DACH2: variants seen among roughly 807,000 people sequenced by gnomAD.
The protein encoded by DACH2 is dachshund family transcription factor 2, also known as dachshund homolog 2.
A neutral mutation model predicts 35.8 loss-of-function variants in DACH2; 17 were observed. The ratio of observed to expected loss-of-function variants is 0.48; its 90% CI spans 0.33 to 0.71. DACH2 has a LOEUF of 0.71. Among genes scored for constraint, DACH2 ranks in the 30% least tolerant of loss-of-function variants. The pLI is 0.02. For synonymous variants in DACH2, 195 were observed against 177.3 expected (o/e 1.10, Z -0.79); for missense variants, 469 against 472.7 (o/e 0.99, Z 0.07).
chrX:86,650,296 A>G (rs2040463820), intron 3 of DACH2, among the ~76,000 whole-genome samples: 1 of 111,331 alleles, frequency 9.0e-6, no homozygotes, highest in Non-Finnish European at 1.9e-5. Context: ...GGTACATGCC[A>G]TATTTTCATT....
At chrX:86,744,255 G>A (rs2041687123) in intron 7 of DACH2, among the ~76,000 whole-genome samples, 1 of 111,174 alleles carries the variant, frequency 9.0e-6, no homozygotes, top group African/African-American at 3.3e-5. Context: ...ACATTAATAA[G>A]CAAGAGTGGC....
chrX:86,394,992 G>A (rs1444197355), intron 2 of DACH2, among the ~76,000 whole-genome samples: 2 of 111,496 alleles, frequency 1.8e-5, no homozygotes, highest in African/African-American at 6.5e-5. Flanking sequence ...ATCCCTACTC[G>A]GGCCAATCTT....
intron 2 of DACH2, among the ~76,000 whole-genome samples, chrX:86,474,757 G>A (rs2037815094): frequency 9.0e-6 from 1 of 111,566 alleles, no homozygotes; most frequent in Non-Finnish European, 1.9e-5. Flanking sequence ...TTTTGAGATG[G>A]AGTTTTGCTC....
intron 1 of DACH2, among the ~76,000 whole-genome samples, chrX:86,205,199 A>G (rs890626752): frequency 8.1e-5 from 9 of 111,703 alleles, no homozygotes; most frequent in Middle Eastern, 4.6e-3. Flanking sequence ...TGAGTTTCAC[A>G]GGAAACAAAT....
chrX:86,322,459 G>A (rs769353160), intron 1 of DACH2, among the ~76,000 whole-genome samples: 8 of 111,098 alleles, frequency 7.2e-5, no homozygotes, highest in South Asian at 3.9e-4. Context: ...TGCCCCCACC[G>A]ACGGTTCTCC....
chrX:86,828,936 C>G (rs950603335), intron 11 of DACH2: 1 of 111,561 alleles, frequency 9.0e-6, no homozygotes, highest in African/African-American at 3.3e-5. Flanking sequence ...TCACGTCTGC[C>G]CTAGCATTAA....
chrX:86,482,658 G>T (rs1415461590), intron 2 of DACH2, among the ~76,000 whole-genome samples: 2 of 107,402 alleles, frequency 1.9e-5, no homozygotes, highest in African/African-American at 6.9e-5. Flanking sequence ...CACCAACAGT[G>T]TAAAAGTGTT....
chrX:86,400,209 C>T (rs186613594), intron 2 of DACH2, among the ~76,000 whole-genome samples: 184 of 111,991 alleles, frequency 1.6e-3, no homozygotes, highest in African/African-American at 5.7e-3. Flanking sequence ...ACGTAATTCT[C>T]ATGCCGTGGT....
chrX:86,647,454 T>C (rs748890894), intron 3 of DACH2, among the ~76,000 whole-genome samples: 1 of 110,860 alleles, frequency 9.0e-6, no homozygotes, highest in Admixed American at 9.7e-5. Context: ...ACACCACTTA[T>C]ATGATGAATC....
chrX:86,214,130 G>T (rs918230200), intron 1 of DACH2, among the ~76,000 whole-genome samples: 1 of 110,232 alleles, frequency 9.1e-6, no homozygotes, highest in South Asian at 3.8e-4. Flanking sequence ...CAACTATAAT[G>T]CTTTGATAGC....
At chrX:86,697,586 A>G (rs1184506566) in intron 5 of DACH2, among the ~76,000 whole-genome samples, 1 of 111,588 alleles carries the variant, frequency 9.0e-6, no homozygotes, top group Admixed American at 9.6e-5. Context: ...GAGAACTTAA[A>G]AAAACAACTA....
chrX:86,813,882 T>G (rs1433346153), intron 9 of DACH2, among the ~76,000 whole-genome samples: 1 of 111,443 alleles, frequency 9.0e-6, no homozygotes, highest in Non-Finnish European at 1.9e-5. Flanking sequence ...AGTGTTTTTC[T>G]TACTTGAAAG....
intron 1 of DACH2, among the ~76,000 whole-genome samples, chrX:86,286,985 C>T (rs2034165337): frequency 1.8e-5 from 2 of 111,347 alleles, no homozygotes; most frequent in South Asian, 3.7e-4. Context: ...ATTGTACCTT[C>T]AGATGATTTC....
intron 3 of DACH2, among the ~76,000 whole-genome samples, chrX:86,611,558 A>G (rs2039944993): frequency 9.0e-6 from 1 of 111,590 alleles, no homozygotes; most frequent in Non-Finnish European, 1.9e-5. Context: ...ATTGTAGTCC[A>G]TGATCATGAA....
At chrX:86,445,580 AAG>A (rs2037256187) in intron 2 of DACH2, among the ~76,000 whole-genome samples, 1 of 102,905 alleles carries the variant, frequency 9.7e-6, no homozygotes, top group African/African-American at 3.6e-5. Flanking sequence ...AAAAAAAAAA[AAG>A]AAATTTTTAA....
rs376887659 is a variant in DACH2 at position 86,769,058 on chromosome X, CA to C, written c.1240+29185del. Reference sequence around the variant, plus strand: ...TTCACTATATGAACAGAATTAAAAACAAAAAAAAAGATCATCTCAATATATG... The same window carrying C: ...TTCACTATATGAACAGAATTAAAAACAAAAAAAAGATCATCTCAATATATG... On this transcript the variant is annotated intron_variant, in intron 7 of 11. Coordinates refer to ENST00000373125, the MANE Select transcript of DACH2 (RefSeq NM_053281.3). Among the ~76,000 whole-genome samples, 363 of 106,972 alleles carry C rather than the reference CA, an allele frequency of 3.4e-3. 2 individuals carry two copies. The highest frequency in any genetic ancestry group is 5.2e-3 in the Non-Finnish European group (266 of 51,484). The allele number at this position is 106,972 out of a possible 115,157, so 92.9% of individuals were successfully genotyped here. A position where few individuals can be genotyped will look rare whatever the true frequency, so the allele number is the denominator to read the frequency against.
At position 86,715,327 on chromosome X, in the gene DACH2, C is replaced by T. The variant is rs182395336; in HGVS notation, c.1104+607C>T. Among the ~76,000 whole-genome samples, 3 of 111,734 alleles carry T rather than the reference C, an allele frequency of 2.7e-5. No individual in the cohort carries two copies. The East Asian group carries it at 8.4e-4, about 31-fold the overall frequency. ...TATTTATGATAATATATTGCATTAA[C>T]ATTATAATGTTAGAATACTATTTTT... is the stretch of plus-strand genomic sequence containing the variant. On this transcript the variant is annotated intron_variant, in intron 6 of 11. Coordinates refer to ENST00000373125, the MANE Select transcript of DACH2 (RefSeq NM_053281.3).
At chrX:86,494,689 G>C (rs2038141547) in intron 2 of DACH2, among the ~76,000 whole-genome samples, 1 of 112,274 alleles carries the variant, frequency 8.9e-6, no homozygotes, top group East Asian at 2.8e-4. Context: ...TTCCATCTCT[G>C]AGTCAACAAG....
chrX:86,762,251 C>G (rs2041891006), intron 7 of DACH2, among the ~76,000 whole-genome samples: 1 of 111,291 alleles, frequency 9.0e-6, no homozygotes, highest in Non-Finnish European at 1.9e-5. Context: ...CTTCCTGCAA[C>G]AGCTCTCTCA....
Sources: allele counts gnomAD v4.1 joint callset (sites outside exome capture counted in the v4.1 genomes callset), GRCh38; gene constraint gnomAD v4.1.1; transcripts MANE v1.5; gene names NCBI Gene and HGNC (gene_info 2026-07-23, HGNC 2026-07-21).